Variants in RFX7 observed in about 807,000 individuals in gnomAD.
The protein encoded by RFX7 is DNA-binding protein RFX7.
Under a neutral mutation model 111.8 loss-of-function variants are expected in RFX7, and 26 were observed. The observed-to-expected ratio is 0.23, with a 90% CI of 0.17 to 0.32. The LOEUF (loss-of-function observed/expected upper bound fraction) is 0.32. Among genes scored for constraint, RFX7 ranks in the 10% least tolerant of loss-of-function variants. RFX7 has a pLI of 1.00. For missense variants in RFX7, 1,573 were observed against 1,772.9 expected (o/e 0.89, Z 2.02); for synonymous variants, 624 against 624.4 (o/e 1.00, Z 0.01).
chr15:56,106,853 A>AT (rs2041836443), intron 5 of RFX7, among the ~76,000 whole-genome samples: 1 of 151,286 alleles, frequency 6.6e-6, no homozygotes, highest in South Asian at 2.1e-4. Context: ...GTTAGTTTAC[A>AT]TCTCATTTTC....
chr15:56,087,373 T>A lies in RFX7; in HGVS notation c.*5972A>T. On this transcript the variant is annotated 3_prime_UTR_variant, in exon 10 of 10. Transcript: ENST00000559447. ...TAGTTGGGCATCTTCCCTTCCAAAG[T>A]CATCATGCCCTGGGCTCCTTGTATC... is the stretch of plus-strand genomic sequence containing the variant. 1 of 455,250 alleles carries A rather than the reference T, an allele frequency of 2.2e-6. No homozygotes were observed. Among genetic ancestry groups the A allele is most frequent in the South Asian group, 1.6e-5 (1 of 64,422 alleles). 28.2% of individuals were successfully genotyped at this position (455,250 alleles called of 1,614,324 possible). A position where few individuals can be genotyped will look rare whatever the true frequency, so the allele number is the denominator to read the frequency against.
intron 2 of RFX7, among the ~76,000 whole-genome samples, chr15:56,231,033 ACAGAAAAGATGTAAAG>A (rs754894061): frequency 6.6e-6 from 1 of 152,220 alleles, no homozygotes; most frequent in Non-Finnish European, 1.5e-5. Context: ...ATGATGTAAA[ACAGAAAAGATGTAAAG>A]CAGGAATTAA....
At chr15:56,130,689 G>GA (rs1414401081) in intron 5 of RFX7, among the ~76,000 whole-genome samples, 1 of 149,898 alleles carries the variant, frequency 6.7e-6, no homozygotes, top group African/African-American at 2.4e-5. Flanking sequence ...CCTAATAAAT[G>GA]AAAAAAAGAC....
In RFX7 at chr15:56,243,486, A is replaced by G. The variant is rs2043742267; in HGVS notation, c.-44T>C. On this transcript the variant is annotated 5_prime_UTR_variant, in exon 1 of 10. Transcript: ENST00000559447. Reference sequence around the variant, plus strand: ...GTCGCTTTCGCCTGCCGCCTGGGGAACATCACCGGGGAGACCAGCGGCTCC... The same window carrying G: ...GTCGCTTTCGCCTGCCGCCTGGGGAGCATCACCGGGGAGACCAGCGGCTCC... 1 of 984,600 alleles carries G rather than the reference A, an allele frequency of 1.0e-6. No homozygotes were observed. 61.0% of individuals were successfully genotyped at this position (984,600 alleles called of 1,614,324 possible).
At chr15:56,146,753 G>A (rs2042479408) in intron 3 of RFX7, among the ~76,000 whole-genome samples, 1 of 152,096 alleles carries the variant, frequency 6.6e-6, no homozygotes, top group African/African-American at 2.4e-5. Flanking sequence ...ATGAAAACTT[G>A]TAACTGTTCA....
rs1277344468 is a variant in RFX7, at chr15:56,243,812, C to G, written c.-370G>C. 3.4e-5 allele frequency among the ~76,000 whole-genome samples: 5 copies of G among 147,316 alleles called. No homozygotes were observed. The highest frequency in any genetic ancestry group is 7.6e-5 in the Non-Finnish European group (5 of 66,160). On this transcript the variant is annotated 5_prime_UTR_variant, in exon 1 of 10. Transcript: ENST00000559447. ...GCCGCCGCCGCCGCCGCCGCTCGCT[C>G]CCGGCCCCGCCGCCGCCGCGGCCGC...
chr15:56,152,346 A>G (rs2042582157), intron 3 of RFX7, among the ~76,000 whole-genome samples: 1 of 152,212 alleles, frequency 6.6e-6, no homozygotes, highest in Non-Finnish European at 1.5e-5. Flanking sequence ...AAATCATAAC[A>G]TATAGTCTCC....
intron 2 of RFX7, among the ~76,000 whole-genome samples, chr15:56,217,428 T>C (rs1398300205): frequency 1.3e-5 from 2 of 152,102 alleles, no homozygotes; most frequent in African/African-American, 4.8e-5. Context: ...CTTTTTTTTT[T>C]TTTTTTCTAC....
At position 56,089,775 on chromosome 15, in the gene RFX7, C is replaced by T. The variant is rs114589404; in HGVS notation, c.*3570G>A. 70 of 152,184 alleles carry T rather than the reference C, an allele frequency of 4.6e-4. No homozygotes were observed. The highest frequency in any genetic ancestry group is 1.7e-3 in the African/African-American group (70 of 41,516). 9.4% of individuals were successfully genotyped at this position (152,184 alleles called of 1,614,324 possible). A position where few individuals can be genotyped will look rare whatever the true frequency, so the allele number is the denominator to read the frequency against. ...CTGCAGGCTCAGCTTTCATGGGAGC[C>T]TTCCTGCTCTTTACCTCTCCCTTCC... On this transcript the variant is annotated 3_prime_UTR_variant, in exon 10 of 10. Coordinates refer to ENST00000559447, the MANE Select transcript of RFX7 (RefSeq NM_022841.7).
chr15:56,136,736 T>G (rs1407850343), intron 5 of RFX7, among the ~76,000 whole-genome samples: 1 of 145,942 alleles, frequency 6.9e-6, no homozygotes, highest in Admixed American at 6.9e-5. Context: ...CCATTCAGTA[T>G]GATATTGGCT....
At chr15:56,144,774 A>C (rs2042446274) in intron 3 of RFX7, among the ~76,000 whole-genome samples, 1 of 152,122 alleles carries the variant, frequency 6.6e-6, no homozygotes, top group Non-Finnish European at 1.5e-5. Context: ...ATCACATTTA[A>C]AGAAGGAGGG....
rs758912234 is a variant in RFX7, at chr15:56,095,645, T to C, written c.2083A>G (p.Lys695Glu). The C allele has an allele frequency of 2.5e-6, 4 of 1,613,876 alleles. No individual in the cohort carries two copies. Among genetic ancestry groups the C allele is most frequent in the Non-Finnish European group, 3.4e-6 (4 of 1,179,890 alleles). The change falls in exon 10 of 10, where the codon AAG (lysine) becomes GAG (glutamate). Residue 695 changes from lysine (K) to glutamate (E), a missense_variant. Lys to Glu is a moderately conservative substitution (Grantham distance 56). Around this residue, in one of 7 missense-constraint regions of RFX7, gnomAD observed 625 missense variants for 632.2 expected, o/e 0.99. Coordinates refer to ENST00000559447, the MANE Select transcript of RFX7 (RefSeq NM_022841.7). Reference protein sequence around the residue: ...IEGQKQGSVKKDQKVPHSGKT... With the variant: ...IEGQKQGSVKEDQKVPHSGKT... ...CCTGAATGTGGAACCTTTTGGTCCT[T>C]CTTAACACTGCCTTGTTTCTGCCCT...
chr15:56,130,389 A>C (rs2042196588), intron 5 of RFX7, among the ~76,000 whole-genome samples: 1 of 151,926 alleles, frequency 6.6e-6, no homozygotes, highest in Non-Finnish European at 1.5e-5. Context: ...GTAAAGCAAA[A>C]TAAAATGAAA....
At chr15:56,233,144 T>C (rs532206780) in intron 2 of RFX7, among the ~76,000 whole-genome samples, 82 of 152,146 alleles carry the variant, frequency 5.4e-4, no homozygotes, top group Non-Finnish European at 9.6e-4. Flanking sequence ...GACTGGGTAA[T>C]TTATAAGGAA....
chr15:56,142,788 C>G lies in RFX7; in HGVS notation c.391G>C (p.Asp131His). Residue 131 changes from aspartate (D) to histidine (H), a missense_variant, in exon 5 of 10, where the codon GAT (aspartate) becomes CAT (histidine). Asp to His is a moderately conservative substitution (Grantham distance 81, BLOSUM62 -1). Coordinates refer to ENST00000559447, the MANE Select transcript of RFX7 (RefSeq NM_022841.7). ...ETSLPKQEVY[D>H]EYKSYCDNLG... is the part of the protein sequence containing the mutation. ...ACACATACTACTTACTTGTACTCAT[C>G]ATAGACTTCCTGTTTGGGCAGTGAA... 6.2e-7 allele frequency: 1 copy of G among 1,613,148 alleles called. No individual in the cohort carries two copies. Among genetic ancestry groups the G allele is most frequent in the Non-Finnish European group, 8.5e-7 (1 of 1,179,482 alleles).
chr15:56,165,634 G>C (rs1034711201), intron 3 of RFX7, among the ~76,000 whole-genome samples: 1 of 152,164 alleles, frequency 6.6e-6, no homozygotes, highest in South Asian at 2.1e-4. Context: ...TTGACCAGGT[G>C]AGTTTACTTG....
At position 56,203,703 on chromosome 15, in the gene RFX7, C is replaced by T. The variant is rs375025913; in HGVS notation, c.162-24400G>A. On this transcript the variant is annotated intron_variant, in intron 2 of 9. Coordinates refer to ENST00000559447, the MANE Select transcript of RFX7 (RefSeq NM_022841.7). ...CGAGAGTGACCTCTGGTCATCCTCA[C>T]TGCCACACTCCCACCCACACCATGA... Among the ~76,000 whole-genome samples the T allele has an allele frequency of 6.6e-5, 10 of 152,302 alleles. No homozygotes were observed. The South Asian group carries it at 1.0e-3, about 16-fold the overall frequency.
rs1479354674 is a variant in RFX7, at chr15:56,089,540, A to AC, written c.*3804dup. On this transcript the variant is annotated 3_prime_UTR_variant, in exon 10 of 10. Transcript: ENST00000559447. Reference sequence around the variant, plus strand: ...ACCTCAGGTGTTACACAGTATTTTCACCCCCAGAATTTCTTACTGGTTGAC... The same window carrying AC: ...ACCTCAGGTGTTACACAGTATTTTCACCCCCCAGAATTTCTTACTGGTTGAC... 1 of 151,730 alleles carries AC rather than the reference A, an allele frequency of 6.6e-6. No homozygotes were observed. 9.4% of individuals were successfully genotyped at this position (151,730 alleles called of 1,614,324 possible).
chr15:56,226,259 A>G (rs1325185634), intron 2 of RFX7, among the ~76,000 whole-genome samples: 1 of 152,200 alleles, frequency 6.6e-6, no homozygotes, highest in Non-Finnish European at 1.5e-5. Context: ...AGATGTAATA[A>G]TACACCAATG....
Sources: gnomAD v4.1 joint callset for allele counts (sites outside exome capture counted in the v4.1 genomes callset) on GRCh38, gnomAD v4.1.1 for gene constraint, gnomAD v4.1.1 regional missense constraint, MANE v1.5 for transcripts, NCBI Gene and HGNC (gene_info 2026-07-23, HGNC 2026-07-21) for gene names.